Variants in ODR4 observed in about 807,000 individuals in gnomAD.
ODR4 encodes the protein protein odr-4 homolog.
Under a neutral mutation model 60.2 loss-of-function variants are expected in ODR4, and 47 were observed. The ratio of observed to expected loss-of-function variants is 0.78; its 90% confidence interval spans 0.62 to 1.00. ODR4 has a LOEUF of 1.00. Among genes scored for constraint, ODR4 ranks in the 50% least tolerant of loss-of-function variants. ODR4 has a pLI of 0.00. For missense variants in ODR4, 488 were observed against 530.8 expected (o/e 0.92, Z 0.79); for synonymous variants, 178 against 175.5 (o/e 1.01, Z -0.11).
At chr1:186,378,977 T>C (rs1389482776) in intron 1 of ODR4, among the ~76,000 whole-genome samples, 3 of 152,232 alleles carry the variant, frequency 2.0e-5, no homozygotes, top group Admixed American at 2.0e-4. Context: ...TAGCATAGTT[T>C]CTAAGCAAAT....
chr1:186,397,903 A>G (rs1660764625), intron 9 of ODR4, among the ~76,000 whole-genome samples: 1 of 152,088 alleles, frequency 6.6e-6, no homozygotes, highest in Non-Finnish European at 1.5e-5. Context: ...ATCACATCCC[A>G]CTTTGTATTT....
chr1:186,401,117 A>T, intron 11 of ODR4: 1 of 1,595,942 alleles, frequency 6.3e-7, no homozygotes, highest in African/African-American at 1.3e-5. Flanking sequence ...TCTATTTAAA[A>T]ATCCTTTATA....
chr1:186,412,528 C>T (rs1037644533), intron 12 of ODR4, among the ~76,000 whole-genome samples: 2 of 152,024 alleles, frequency 1.3e-5, no homozygotes, highest in African/African-American at 4.8e-5. Context: ...AGTAATTCTG[C>T]ATATTTATTA....
chr1:186,376,759 T>C (rs536423342), intron 1 of ODR4, among the ~76,000 whole-genome samples: 277 of 152,354 alleles, frequency 1.8e-3, no homozygotes, highest in Non-Finnish European at 2.9e-3. Context: ...AAGCCCACAG[T>C]ATTATCATAC....
At chr1:186,388,189 T>A (rs1429753088) in intron 4 of ODR4, among the ~76,000 whole-genome samples, 3 of 152,190 alleles carry the variant, frequency 2.0e-5, no homozygotes, top group Non-Finnish European at 4.4e-5. Flanking sequence ...AGTCTTTAAT[T>A]TGAAGAAAAG....
At position 186,385,972 on chromosome 1, in the gene ODR4, A is replaced by G. The variant is rs376926467; in HGVS notation, c.235-16A>G. The G allele has an allele frequency of 6.0e-5, 88 of 1,477,698 alleles. No individual in the cohort carries two copies. The highest frequency in any genetic ancestry group is 7.4e-5 in the Non-Finnish European group (79 of 1,064,588). The allele number at this position is 1,477,698 out of a possible 1,614,324, so 91.5% of individuals were successfully genotyped here. ...TAATGCCAATTTGTTAGCTAATAAT[A>G]TATTTCTATTTTTAGGTATCCAGAA... On this transcript the variant is annotated splice_polypyrimidine_tract_variant and intron_variant, in intron 3 of 13. Transcript: ENST00000287859.
intron 11 of ODR4, chr1:186,401,250 C>A: frequency 1.5e-6 from 2 of 1,342,148 alleles, no homozygotes; most frequent in Non-Finnish European, 2.1e-6. Flanking sequence ...GTATGTTAAA[C>A]TTGATACATT....
chr1:186,401,668 T>C (rs1242195262), intron 11 of ODR4, among the ~76,000 whole-genome samples: 1 of 151,872 alleles, frequency 6.6e-6, no homozygotes, highest in Non-Finnish European at 1.5e-5. Context: ...CATTATTAAT[T>C]TTTGTATGTT....
chr1:186,398,290 C>T, intron 9 of ODR4, 23 bp from the exon 10 acceptor site: 2 of 1,554,446 alleles, frequency 1.3e-6, no homozygotes, highest in Non-Finnish European at 8.7e-7. Flanking sequence ...GTTATTAGAA[C>T]TTAAACAGAT....
the ODR4 span, among the ~76,000 whole-genome samples, chr1:186,428,634 G>A: frequency 7.9e-5 from 12 of 152,184 alleles, no homozygotes; most frequent in African/African-American, 2.4e-4. Flanking sequence ...CTTTCAGCCC[G>A]TCTTGTCTTT....
chr1:186,422,101 A>G (rs1329610374), downstream of ODR4, among the ~76,000 whole-genome samples: 1 of 152,102 alleles, frequency 6.6e-6, no homozygotes, highest in African/African-American at 2.4e-5. Flanking sequence ...GGCTGTTTAA[A>G]ATAAAACACC....
chr1:186,408,300 A>T (rs184380557), intron 12 of ODR4, among the ~76,000 whole-genome samples: 1 of 152,072 alleles, frequency 6.6e-6, no homozygotes, highest in Non-Finnish European at 1.5e-5. Context: ...TGTAGGAGCT[A>T]AATAATGAAG....
rs1661754287 is a variant in ODR4 at position 186,421,036 on chromosome 1, G to A, written c.*1960G>A. 1 of 152,166 alleles carries A rather than the reference G, an allele frequency of 6.6e-6. No homozygotes were observed. Among genetic ancestry groups the A allele is most frequent in the Non-Finnish European group, 1.5e-5 (1 of 68,028 alleles). The allele number at this position is 152,166 out of a possible 1,614,324, so 9.4% of individuals were successfully genotyped here. A position where few individuals can be genotyped will look rare whatever the true frequency, so the allele number is the denominator to read the frequency against. ...TGAAAGCAAGACAGTCAAATACTTA[G>A]TAGGCTTCCTAACAGCAACAATGTA... is the stretch of plus-strand genomic sequence containing the variant. On this transcript the variant is annotated 3_prime_UTR_variant, in exon 14 of 14. Transcript: ENST00000287859.
intron 11 of ODR4, among the ~76,000 whole-genome samples, chr1:186,400,356 A>G (rs1310677016): frequency 1.3e-5 from 2 of 150,858 alleles, no homozygotes; most frequent in Non-Finnish European, 2.9e-5. Context: ...CATAATTGAA[A>G]CATTCATATT....
intron 5 of ODR4, among the ~76,000 whole-genome samples, chr1:186,389,050 C>T (rs189606706): frequency 5.3e-5 from 8 of 152,202 alleles, no homozygotes; most frequent in Admixed American, 3.9e-4. Flanking sequence ...GCAAGAGTAC[C>T]TCCCAAGCAA....
chr1:186,400,372 C>T (rs1033164885), intron 11 of ODR4, among the ~76,000 whole-genome samples: 14 of 151,738 alleles, frequency 9.2e-5, no homozygotes, highest in South Asian at 6.2e-4. Context: ...ATATTAGCTT[C>T]GGGTTCCAGC....
intron 11 of ODR4, chr1:186,401,498 TTCTC>T (rs148470500): frequency 0.013 from 2,512 of 198,128 alleles, 28 homozygotes; most frequent in Non-Finnish European, 0.017. Flanking sequence ...CTTTCTTTCT[TTCTC>T]TCTCTCTCTC....
chr1:186,385,375 G>C (rs896607807), intron 3 of ODR4, among the ~76,000 whole-genome samples: 3 of 149,938 alleles, frequency 2.0e-5, no homozygotes. Flanking sequence ...TGACCAACTA[G>C]TAGGGTTCAC....
chr1:186,403,763 TAA>T (rs1347613758), intron 11 of ODR4, among the ~76,000 whole-genome samples: 6 of 152,188 alleles, frequency 3.9e-5, no homozygotes, highest in Non-Finnish European at 8.8e-5. Context: ...TTCACTGTTA[TAA>T]GTCTTCATTT....
Sources: gnomAD v4.1 joint callset for allele counts (sites outside exome capture counted in the v4.1 genomes callset) on GRCh38, gnomAD v4.1.1 for gene constraint, MANE v1.5 for transcripts, NCBI Gene and HGNC (gene_info 2026-07-23, HGNC 2026-07-21) for gene names.